NAALADL2: variants seen among roughly 807,000 people sequenced by gnomAD.
NAALADL2 encodes the protein inactive N-acetylated-alpha-linked acidic dipeptidase-like protein 2.
A neutral mutation model predicts 87.2 loss-of-function variants in NAALADL2; 76 were observed. The observed-to-expected ratio is 0.87, with a 90% confidence interval of 0.72 to 1.05. NAALADL2 has a LOEUF of 1.05. Among genes scored for constraint, NAALADL2 ranks in the 50% least tolerant of loss-of-function variants. The pLI, the probability that NAALADL2 is intolerant of heterozygous loss-of-function variation, is 0.00. For missense variants in NAALADL2, 1,089 were observed against 945.8 expected (o/e 1.15, Z -1.99); for synonymous variants, 354 against 331.0 (o/e 1.07, Z -0.75).
chr3:174,662,927 G>A (rs1187908422), intron 2 of NAALADL2, among the ~76,000 whole-genome samples: 7 of 152,198 alleles, frequency 4.6e-5, no homozygotes, highest in Non-Finnish European at 1.0e-4. Context: ...GAAATCTTAC[G>A]TATTTTACAT....
At chr3:174,798,299 T>TA (rs1195024815) in intron 3 of NAALADL2, among the ~76,000 whole-genome samples, 57 of 152,324 alleles carry the variant, frequency 3.7e-4, no homozygotes, top group Admixed American at 3.5e-3. Context: ...TTAATTGTTT[T>TA]AAAAAAATTT....
intron 2 of NAALADL2, among the ~76,000 whole-genome samples, chr3:174,694,302 G>GTA (rs755850724): frequency 2.0e-5 from 3 of 151,990 alleles, no homozygotes; most frequent in Non-Finnish European, 4.4e-5. Flanking sequence ...AAAAAATGAA[G>GTA]CCTATGTTAT....
At chr3:175,687,270 C>G (rs1330338075) in intron 11 of NAALADL2, among the ~76,000 whole-genome samples, 1 of 152,072 alleles carries the variant, frequency 6.6e-6, no homozygotes, top group Non-Finnish European at 1.5e-5. Flanking sequence ...GAAAATAACT[C>G]TCATATATAG....
chr3:175,615,967 GTTAC>G (rs1439769411), intron 10 of NAALADL2, among the ~76,000 whole-genome samples: 2 of 145,988 alleles, frequency 1.4e-5, no homozygotes, highest in African/African-American at 5.0e-5. Flanking sequence ...TATATAGCAT[GTTAC>G]TTATAATATA....
intron 1 of NAALADL2, among the ~76,000 whole-genome samples, chr3:175,021,421 A>G (rs1219589104): frequency 6.6e-6 from 1 of 152,094 alleles, no homozygotes; most frequent in Non-Finnish European, 1.5e-5. Flanking sequence ...TGGGATATGA[A>G]GGTAAAAAAG....
At chr3:175,367,186 T>A (rs1278662504) in intron 5 of NAALADL2, among the ~76,000 whole-genome samples, 1 of 151,696 alleles carries the variant, frequency 6.6e-6, no homozygotes, top group Non-Finnish European at 1.5e-5. Context: ...GCGGCGTTAT[T>A]TCTGAGGGCT....
chr3:174,844,835 GTTT>G (rs781333758), intron 3 of NAALADL2, among the ~76,000 whole-genome samples: 2 of 35,444 alleles, frequency 5.6e-5, no homozygotes, highest in African/African-American at 2.5e-4. Context: ...AGTTCTAATG[GTTT>G]TTTTTTTTTT....
rs541009869 is a variant in NAALADL2 at position 174,644,698 on chromosome 3, T to C, written c.-114-92943T>C. On this transcript the variant is annotated intron_variant, in intron 2 of 3. Coordinates refer to the NAALADL2 transcript ENST00000434257. Reference sequence around the variant, plus strand: ...GCCTGAGACCCTCTGTGTAATGATGTTTTTGTCTTATGAGTTGCAGATGGG... The same window carrying C: ...GCCTGAGACCCTCTGTGTAATGATGCTTTTGTCTTATGAGTTGCAGATGGG... 2.0e-5 allele frequency among the ~76,000 whole-genome samples: 3 copies of C among 152,254 alleles called. No individual in the cohort carries two copies. The East Asian group carries it at 5.8e-4, about 29-fold the overall frequency.
intron 1 of NAALADL2, among the ~76,000 whole-genome samples, chr3:174,955,758 G>C (rs1389283801): frequency 1.3e-5 from 2 of 152,066 alleles, no homozygotes; most frequent in Admixed American, 1.3e-4. Context: ...GTGAAGATTA[G>C]AATCACCTGC....
chr3:175,507,798 A>T (rs1241172851), intron 9 of NAALADL2, among the ~76,000 whole-genome samples: 1 of 151,998 alleles, frequency 6.6e-6, no homozygotes, highest in Admixed American at 6.6e-5. Flanking sequence ...CATCTCCTAA[A>T]TATTTCCCCT....
Position 175,805,570 on chromosome 3 carries a change from G to A in NAALADL2, c.*2367G>A, listed in dbSNP as rs961334217. 11 of 151,648 alleles carry A rather than the reference G, an allele frequency of 7.3e-5. No individual in the cohort carries two copies. Among genetic ancestry groups the A allele is most frequent in the African/African-American group, 2.4e-4 (10 of 41,326 alleles). 9.4% of individuals were successfully genotyped at this position (151,648 alleles called of 1,614,324 possible). ...TGATTACCTGAGGGTGCCTCCAAAT[G>A]TATATCATTTCACTCCCCTCCCCTC... On this transcript the variant is annotated 3_prime_UTR_variant, in exon 14 of 14. Coordinates refer to ENST00000454872, the MANE Select transcript of NAALADL2 (RefSeq NM_207015.3).
chr3:175,792,919 T>C (rs2108299513), intron 13 of NAALADL2, among the ~76,000 whole-genome samples: 1 of 152,330 alleles, frequency 6.6e-6, no homozygotes, highest in Non-Finnish European at 1.5e-5. Flanking sequence ...ACCCATACTT[T>C]TCAAAAGAAA....
At chr3:175,082,895 G>A (rs978564196) in intron 1 of NAALADL2, among the ~76,000 whole-genome samples, 4 of 152,154 alleles carry the variant, frequency 2.6e-5, no homozygotes, top group Non-Finnish European at 5.9e-5. Flanking sequence ...TTATTGTTCT[G>A]GGCATAGCTA....
chr3:175,143,564 A>T (rs1163947926), intron 2 of NAALADL2, among the ~76,000 whole-genome samples: 5 of 151,638 alleles, frequency 3.3e-5, no homozygotes, highest in African/African-American at 1.2e-4. Flanking sequence ...AAAAAAAAAA[A>T]AAAAAAGACA....
chr3:175,176,881 T>G lies in NAALADL2; in HGVS notation c.546-57050T>G, dbSNP rs184828035. Among the ~76,000 whole-genome samples the G allele has an allele frequency of 5.9e-5, 9 of 152,208 alleles. No homozygotes were observed. The East Asian group carries it at 9.7e-4, about 16-fold the overall frequency. ...CGCCACAAAATCAGTGTCGCATTTC[T>G]GACCTCCAGACTGTATGATAGTAAA... On this transcript the variant is annotated intron_variant, in intron 2 of 13. Transcript: ENST00000454872.
chr3:174,877,674 A>G (rs1458905089), intron 1 of NAALADL2, among the ~76,000 whole-genome samples: 1 of 152,050 alleles, frequency 6.6e-6, no homozygotes, highest in Non-Finnish European at 1.5e-5. Context: ...GCTATCTTAA[A>G]GTATTTGAAG....
chr3:175,761,366 G>A (rs112649062), intron 13 of NAALADL2, among the ~76,000 whole-genome samples: 577 of 152,174 alleles, frequency 3.8e-3, no homozygotes, highest in African/African-American at 0.013. Context: ...CATTTTCTCC[G>A]TGTTCATTTC....
At chr3:174,619,247 G>T (rs1158237324) in intron 2 of NAALADL2, among the ~76,000 whole-genome samples, 2 of 151,878 alleles carry the variant, frequency 1.3e-5, no homozygotes. Context: ...TCTGAGCAGG[G>T]TTTTCATTTA....
chr3:174,520,579 G>A (rs1458737434), intron 1 of NAALADL2, among the ~76,000 whole-genome samples: 1 of 152,104 alleles, frequency 6.6e-6, no homozygotes, highest in Non-Finnish European at 1.5e-5. Context: ...AGACTTAAAT[G>A]TAAAACCTGA....
Sources: gnomAD v4.1 joint callset for allele counts (sites outside exome capture counted in the v4.1 genomes callset) on GRCh38, gnomAD v4.1.1 for gene constraint, MANE v1.5 for transcripts, NCBI Gene and HGNC (gene_info 2026-07-23, HGNC 2026-07-21) for gene names.